The following KIF13B variants were observed in gnomAD, a reference collection of about 807,000 sequenced individuals.
The protein encoded by KIF13B is kinesin family member 13B, also known as kinesin-like protein KIF13B.
A neutral mutation model predicts 222.0 loss-of-function variants in KIF13B; 127 were observed. The observed-to-expected ratio is 0.57, with a 90% CI of 0.50 to 0.66. KIF13B has a LOEUF of 0.66. Among genes scored for constraint, KIF13B ranks in the 30% least tolerant of loss-of-function variants. The pLI, the probability that KIF13B is intolerant of heterozygous loss-of-function variation, is 0.00. For missense variants in KIF13B, 2,173 were observed against 2,379.0 expected (o/e 0.91, Z 1.80); for synonymous variants, 976 against 919.0 (o/e 1.06, Z -1.12).
At chr8:29,082,784 G>A (rs999939579) in intron 37 of KIF13B, among the ~76,000 whole-genome samples, 3 of 152,234 alleles carry the variant, frequency 2.0e-5, no homozygotes, top group African/African-American at 7.2e-5. Context: ...AAGTGTCCAT[G>A]AAGGATTAAG....
rs771787654 is a variant in KIF13B, at chr8:29,134,048, G to A, written c.2776C>T (p.His926Tyr). The A allele has an allele frequency of 1.2e-6, 2 of 1,613,240 alleles. No individual in the cohort carries two copies. Among genetic ancestry groups the A allele is most frequent in the East Asian group, 2.2e-5 (1 of 44,882 alleles). Reference sequence around the variant, plus strand: ...CTGGAAAACAAACTCACATTGCAATGATCAAAGACAACCATGCAGTGCGGC... The same window carrying A: ...CTGGAAAACAAACTCACATTGCAATAATCAAAGACAACCATGCAGTGCGGC... ...KEPHCMVVFD[H>Y]CNEFSVNITE... The change falls in exon 22 of 40, where the codon CAT (histidine) becomes TAT (tyrosine). Residue 926 changes from histidine (H) to tyrosine (Y), a missense_variant. Physicochemically the swap from His to Tyr is moderately conservative, Grantham distance 83. Around this residue, in one of 2 missense-constraint regions of KIF13B, gnomAD observed 1,480 missense variants for 1,722.8 expected, o/e 0.86. Coordinates refer to ENST00000524189, the MANE Select transcript of KIF13B (RefSeq NM_015254.4).
chr8:29,257,816 AAAAT>A (rs1003508229), intron 1 of KIF13B, among the ~76,000 whole-genome samples: 1 of 152,178 alleles, frequency 6.6e-6, no homozygotes, highest in Non-Finnish European at 1.5e-5. Flanking sequence ...TGTCTCAAAA[AAAAT>A]AAATAAATAA....
chr8:29,201,168 G>C (rs1813676902), intron 2 of KIF13B, among the ~76,000 whole-genome samples: 1 of 152,188 alleles, frequency 6.6e-6, no homozygotes, highest in Admixed American at 6.5e-5. Context: ...TGACTGTTTA[G>C]TTACTGGAGA....
rs753509697 is a variant in KIF13B at position 29,116,853 on chromosome 8, C to A, written c.3815G>T (p.Cys1272Phe). The change falls in exon 31 of 40, where the codon TGT becomes TTT. Residue 1272 changes from cysteine to phenylalanine, a missense_variant. Coordinates refer to ENST00000524189, the MANE Select transcript of KIF13B (RefSeq NM_015254.4). ...AACCTGGCGGCCGTGAACATTGACACAGATTCTCTTGCGTAACACCAGTTG... is the reference window on the plus strand; with the variant it reads ...AACCTGGCGGCCGTGAACATTGACAAAGATTCTCTTGCGTAACACCAGTTG... ...DMQLVLRKRI[C>F]VNVHGRQGFA... 6.2e-7 allele frequency: 1 copy of A among 1,601,928 alleles called. No homozygotes were observed. Among genetic ancestry groups the A allele is most frequent in the Non-Finnish European group, 8.5e-7 (1 of 1,172,852 alleles).
rs118092052 is a variant in KIF13B, at chr8:29,167,602, A to T, written c.946-17T>A. On this transcript the variant is annotated splice_polypyrimidine_tract_variant and intron_variant, in intron 10 of 39. Transcript: ENST00000524189. Reference sequence around the variant, plus strand: ...GAGGCTGTCCTACAGGAGAAAACAGAAAGTTGAGTAGCATATTAAAGTTGG... The same window carrying T: ...GAGGCTGTCCTACAGGAGAAAACAGTAAGTTGAGTAGCATATTAAAGTTGG... The T allele has an allele frequency of 6.3e-7, 1 of 1,598,466 alleles. No individual in the cohort carries two copies.
chr8:29,082,649 T>C (rs76153893), intron 37 of KIF13B, among the ~76,000 whole-genome samples: 1 of 150,614 alleles, frequency 6.6e-6, no homozygotes, highest in African/African-American at 2.4e-5. Context: ...AAAAAATAAA[T>C]TAAAAAAAAA....
chr8:29,248,259 T>C (rs1322580321), intron 1 of KIF13B, among the ~76,000 whole-genome samples: 1 of 152,170 alleles, frequency 6.6e-6, no homozygotes, highest in East Asian at 1.9e-4. Flanking sequence ...TGGATACTCA[T>C]AACAGCCAAA....
chr8:29,213,452 T>C (rs980356391), intron 2 of KIF13B, among the ~76,000 whole-genome samples: 3 of 152,216 alleles, frequency 2.0e-5, no homozygotes, highest in Admixed American at 6.5e-5. Context: ...CAGGCATGCA[T>C]TGCTTAAGGA....
At position 29,071,799 on chromosome 8, in the gene KIF13B, G is replaced by A. The variant is rs1312569027; in HGVS notation, c.5039C>T (p.Pro1680Leu). Reference sequence around the variant, plus strand: ...GGCCAGGGCCTGTCCCCCGGCGCCCGGGGCCGGCGCATTCCCCTCGGCCCC... The same window carrying A: ...GGCCAGGGCCTGTCCCCCGGCGCCCAGGGCCGGCGCATTCCCCTCGGCCCC... Reference protein sequence around the residue: ...SPGAEGNAPAPGAGGQALASD... With the variant: ...SPGAEGNAPALGAGGQALASD... Residue 1680 changes from proline to leucine, a missense_variant, in exon 39 of 40, where the codon CCG (proline) becomes CTG (leucine). Pro to Leu is a moderately conservative substitution (Grantham distance 98). Around this residue, in one of 2 missense-constraint regions of KIF13B, gnomAD observed 693 missense variants for 656.2 expected, o/e 1.06. Transcript: ENST00000524189. This position sits in a 1 kb window ranked among gnomAD's most constrained non-coding sequence, Gnocchi z 4.9. 2.6e-6 allele frequency: 4 copies of A among 1,545,700 alleles called. No homozygotes were observed. Among genetic ancestry groups the A allele is most frequent in the South Asian group, 1.2e-5 (1 of 84,004 alleles).
At chr8:29,113,679 T>C in intron 31 of KIF13B, 124 bp from the exon 32 acceptor site, 1 of 684,270 alleles carries the variant, frequency 1.5e-6, no homozygotes, top group Non-Finnish European at 2.5e-6. Context: ...GTTTCCAACA[T>C]AAGCAAGTGA....
At chr8:29,104,739 C>A (rs747470857) in intron 35 of KIF13B, among the ~76,000 whole-genome samples, 16 of 151,898 alleles carry the variant, frequency 1.1e-4, no homozygotes, top group South Asian at 4.2e-4. Context: ...TCTACTTTTT[C>A]TTTTTTTTAT....
At chr8:29,250,214 A>G (rs1816220658) in intron 1 of KIF13B, 1 of 389,442 alleles carries the variant, frequency 2.6e-6, no homozygotes, top group Non-Finnish European at 5.0e-6. Flanking sequence ...TGCCGTTCTC[A>G]TACAGAATAC....
rs1479046964 is a variant in KIF13B at position 29,109,443 on chromosome 8, A to G, written c.4152T>C (p.Asn1384=). 3 of 1,613,096 alleles carry G rather than the reference A, an allele frequency of 1.9e-6. No individual in the cohort carries two copies. Among genetic ancestry groups the G allele is most frequent in the African/African-American group, 1.3e-5 (1 of 74,916 alleles). The change falls in exon 34 of 40, where the codon AAT becomes AAC. Residue 1384 remains asparagine (N), a synonymous_variant. Transcript: ENST00000524189. ...GGTTCCACACACTCACTCTGTTCACATTTGGAGAACTGATACTCCTCCTGC... is the reference window on the plus strand; with the variant it reads ...GGTTCCACACACTCACTCTGTTCACGTTTGGAGAACTGATACTCCTCCTGC... ...KLSRRSISSP[N]VNRLSGSRQD... is the part of the protein sequence containing the mutation.
Position 29,176,185 on chromosome 8 carries a change from T to C in KIF13B, c.834-6A>G, listed in dbSNP as rs760223652. The C allele has an allele frequency of 1.3e-6, 2 of 1,559,208 alleles. No individual in the cohort carries two copies. The highest frequency in any genetic ancestry group is 8.8e-7 in the Non-Finnish European group (1 of 1,135,904). On this transcript the variant is annotated splice_polypyrimidine_tract_variant and splice_region_variant and intron_variant, in intron 9 of 39. Transcript: ENST00000524189. ...GACCGAGGGTTGTGAGGGACCTGCA[T>C]GGTGCAACAAACCAAAATAATTACA...
chr8:29,140,015 G>A (rs1397618107), intron 21 of KIF13B, 48 bp downstream of exon 21: 1 of 1,507,768 alleles, frequency 6.6e-7, no homozygotes, highest in South Asian at 1.3e-5. Flanking sequence ...GGCAAAAACT[G>A]CAATGACTTT....
In KIF13B at chr8:29,250,255, G is replaced by A. The variant is rs546899666; in HGVS notation, c.56-4816C>T. ...GAACGCAGGCCTGAAAAAAATGGGTGGTTCATCAAACATTTCCCCCACAAT... is the reference window on the plus strand; with the variant it reads ...GAACGCAGGCCTGAAAAAAATGGGTAGTTCATCAAACATTTCCCCCACAAT... On this transcript the variant is annotated intron_variant, in intron 1 of 39. Coordinates refer to ENST00000524189, the MANE Select transcript of KIF13B (RefSeq NM_015254.4). Among the ~76,000 whole-genome samples, 190 of 152,188 alleles carry A rather than the reference G, an allele frequency of 1.2e-3. 3 individuals are homozygous for A. Among genetic ancestry groups the A allele is most frequent in the African/African-American group, 4.4e-3 (181 of 41,498 alleles).
chr8:29,160,536 T>A (rs890601004), intron 13 of KIF13B, among the ~76,000 whole-genome samples, 197 bp downstream of exon 13: 1 of 152,198 alleles, frequency 6.6e-6, no homozygotes, highest in African/African-American at 2.4e-5. Context: ...GGAAATAATA[T>A]CAGAGTATCA....
intron 11 of KIF13B, 134 bp from the exon 12 acceptor site, chr8:29,165,906 C>CGATTGTAGATCGAAGTACCTT (rs1811976856): frequency 4.0e-5 from 27 of 680,520 alleles, no homozygotes; most frequent in South Asian, 2.5e-4. Flanking sequence ...ACATCTACTT[C>CGATTGTAGATCGAAGTACCTT]GATTGTAGAT....
At chr8:29,138,748 C>T (rs1015890978) in intron 21 of KIF13B, 2 of 152,080 alleles carry the variant, frequency 1.3e-5, no homozygotes, top group African/African-American at 4.8e-5. Context: ...GGTCAACAAC[C>T]CAGTTTCTAC....
Sources: gnomAD v4.1 joint callset for allele counts (sites outside exome capture counted in the v4.1 genomes callset) on GRCh38, gnomAD v4.1.1 for gene constraint, gnomAD v4.1.1 regional missense constraint, Gnocchi (gnomAD v3.1) non-coding constraint, MANE v1.5 for transcripts, NCBI Gene and HGNC (gene_info 2026-07-23, HGNC 2026-07-21) for gene names.